Variants in AKAP13 observed in about 807,000 individuals in gnomAD.
The protein encoded by AKAP13 is A-kinase anchor protein 13.
In AKAP13, 80 loss-of-function variants were observed where a neutral mutation model predicts 264.5. The observed-to-expected ratio is 0.30, with a 90% CI of 0.25 to 0.36. AKAP13 has a LOEUF of 0.36. Ranked by LOEUF, AKAP13 falls within the 10% of genes least tolerant of loss-of-function variation. The probability of loss-of-function intolerance (pLI) is 1.00; values close to 1 mark genes in which losing one functional copy is unlikely to be tolerated. For synonymous variants in AKAP13, 1,380 were observed against 1,250.2 expected (o/e 1.10, Z -2.19); for missense variants, 3,712 against 3,435.2 (o/e 1.08, Z -2.01).
intron 1 of AKAP13, among the ~76,000 whole-genome samples, chr15:85,465,097 C>G (rs984028013): frequency 6.8e-6 from 1 of 148,140 alleles, no homozygotes; most frequent in Non-Finnish European, 1.5e-5. Flanking sequence ...CCCACCACCA[C>G]GCCTGGCTAA....
rs1265667022 is a variant in AKAP13, at chr15:85,664,766, A to C, written c.4992+11A>C. ...ATGTTTGATCAGCAGGTAAGTCTTA[A>C]ATATGTCTAATTTGGAAAAAATATA... On this transcript the variant is annotated intron_variant, in intron 13 of 36. Transcript: ENST00000394518. The C allele has an allele frequency of 1.2e-6, 2 of 1,600,820 alleles. No individual in the cohort carries two copies. Among genetic ancestry groups the C allele is most frequent in the Non-Finnish European group, 1.7e-6 (2 of 1,172,586 alleles).
chr15:85,671,183 GA>G (rs2083905424), intron 14 of AKAP13, among the ~76,000 whole-genome samples: 1 of 152,056 alleles, frequency 6.6e-6, no homozygotes, highest in Admixed American at 6.6e-5. Flanking sequence ...GTTGGTGACA[GA>G]AGCAGATGCC....
intron 5 of AKAP13, among the ~76,000 whole-genome samples, chr15:85,563,376 G>A (rs1479640395): frequency 8.2e-6 from 1 of 121,906 alleles, no homozygotes; most frequent in Non-Finnish European, 1.7e-5. Context: ...ATGAGAATTT[G>A]GGCTAGGCAG....
Position 85,667,389 on chromosome 15 carries a change from T to C in AKAP13, c.4993-2333T>C, listed in dbSNP as rs375603201. On this transcript the variant is annotated intron_variant, in intron 13 of 36. Transcript: ENST00000394518. Reference sequence around the variant, plus strand: ...GAAGGAGTTAGAAAAAATAAGAATATGAAGAATATGCTTGTTGAAGCAAGT... The same window carrying C: ...GAAGGAGTTAGAAAAAATAAGAATACGAAGAATATGCTTGTTGAAGCAAGT... 5.9e-5 allele frequency among the ~76,000 whole-genome samples: 9 copies of C among 152,280 alleles called. No individual in the cohort carries two copies. The East Asian group carries it at 1.3e-3, about 23-fold the overall frequency.
At chr15:85,535,471 T>C (rs1284751681) in intron 4 of AKAP13, 1 of 152,190 alleles carries the variant, frequency 6.6e-6, no homozygotes, top group Non-Finnish European at 1.5e-5. Flanking sequence ...AAGAAACTTC[T>C]GTCTTGCTAA....
At chr15:85,629,763 C>CGTTTTTTT (rs1567164100) in intron 8 of AKAP13, among the ~76,000 whole-genome samples, 5 of 76,150 alleles carry the variant, frequency 6.6e-5, no homozygotes, top group Non-Finnish European at 1.5e-4. Context: ...TCCTTTACAG[C>CGTTTTTTT]CTTTTTTTTT....
intron 13 of AKAP13, among the ~76,000 whole-genome samples, chr15:85,668,530 A>G (rs16942964): frequency 0.014 from 2,136 of 152,336 alleles, 62 homozygotes; most frequent in African/African-American, 0.049. Context: ...CTTTACGTTC[A>G]TGTAGAATCA....
chr15:85,699,991 G>A (rs561579458), intron 17 of AKAP13, among the ~76,000 whole-genome samples: 22 of 152,294 alleles, frequency 1.4e-4, no homozygotes, highest in Admixed American at 7.8e-4. Flanking sequence ...ATAATGAGTG[G>A]CTGTACCTTT....
chr15:85,728,855 T>A (rs533516283), intron 29 of AKAP13, among the ~76,000 whole-genome samples: 94 of 134,218 alleles, frequency 7.0e-4, no homozygotes, highest in African/African-American at 1.6e-3. Context: ...AAAAAAAAAA[T>A]TTTTTTTTTT....
intron 2 of AKAP13, among the ~76,000 whole-genome samples, chr15:85,507,274 C>CT (rs1156377673): frequency 6.6e-6 from 1 of 151,854 alleles, no homozygotes; most frequent in African/African-American, 2.4e-5. Context: ...TGGCAAGCTA[C>CT]AGCCTGTGAA....
chr15:85,676,103 G>C (rs560298130), intron 14 of AKAP13, among the ~76,000 whole-genome samples: 1 of 152,242 alleles, frequency 6.6e-6, no homozygotes, highest in South Asian at 2.1e-4. Flanking sequence ...AGTGGAGACG[G>C]GGTTTCACCG....
At chr15:85,614,130 G>A (rs530427100) in intron 8 of AKAP13, among the ~76,000 whole-genome samples, 72 of 152,250 alleles carry the variant, frequency 4.7e-4, no homozygotes, top group African/African-American at 1.7e-3. Flanking sequence ...CCATGTCAGA[G>A]GATTTTGTTT....
chr15:85,660,773 C>G (rs1317399166), intron 12 of AKAP13, among the ~76,000 whole-genome samples: 1 of 152,160 alleles, frequency 6.6e-6, no homozygotes, highest in African/African-American at 2.4e-5. Flanking sequence ...TTACTTTCTG[C>G]TTCTGCACTT....
chr15:85,514,638 A>G (rs2076546535), intron 2 of AKAP13, among the ~76,000 whole-genome samples: 1 of 137,878 alleles, frequency 7.3e-6, no homozygotes, highest in Non-Finnish European at 1.5e-5. Flanking sequence ...GAAATTGAAC[A>G]CTGGCTGCCA....
intron 8 of AKAP13, among the ~76,000 whole-genome samples, chr15:85,598,278 C>G (rs889141621): frequency 2.0e-5 from 3 of 152,148 alleles, no homozygotes; most frequent in African/African-American, 7.2e-5. Context: ...CTGGTCCATT[C>G]TGGAGAGGAT....
chr15:85,665,671 C>A (rs2083552777), intron 13 of AKAP13, among the ~76,000 whole-genome samples: 1 of 152,176 alleles, frequency 6.6e-6, no homozygotes, highest in South Asian at 2.1e-4. Context: ...AATGCTATCC[C>A]TCCCCCAGCC....
In AKAP13 at chr15:85,486,739, C is replaced by CTTTTTT. The variant is rs562767898; in HGVS notation, c.33+999_33+1004dup. Among the ~76,000 whole-genome samples the CTTTTTT allele has an allele frequency of 2.8e-4, 32 of 115,636 alleles. 2 individuals are homozygous for CTTTTTT. The highest frequency in any genetic ancestry group is 3.7e-4 in the African/African-American group (11 of 29,744). 75.9% of individuals were successfully genotyped at this position (115,636 alleles called of 152,430 possible). ...ATTTTGTTATCTTAATTGTTCAGTT[C>CTTTTTT]TTTTTTTTTTTTTTTTTTGGATGGA... is the stretch of plus-strand genomic sequence containing the variant. On this transcript the variant is annotated intron_variant, in intron 2 of 36. Coordinates refer to ENST00000394518, the MANE Select transcript of AKAP13 (RefSeq NM_007200.5).
At chr15:85,722,889 T>A (rs1157418141) in intron 25 of AKAP13, among the ~76,000 whole-genome samples, 183 bp from the exon 26 acceptor site, 2 of 152,182 alleles carry the variant, frequency 1.3e-5, no homozygotes, top group Non-Finnish European at 2.9e-5. Flanking sequence ...AACTTCTGAC[T>A]TTTTTTAGAA....
At chr15:85,665,732 A>G (rs1393380408) in intron 13 of AKAP13, among the ~76,000 whole-genome samples, 5 of 152,056 alleles carry the variant, frequency 3.3e-5, no homozygotes, top group Admixed American at 1.3e-4. Context: ...CCCGTGTCCA[A>G]GTGTTCTCAT....
Sources: allele counts gnomAD v4.1 joint callset (sites outside exome capture counted in the v4.1 genomes callset), GRCh38; gene constraint gnomAD v4.1.1; transcripts MANE v1.5; gene names NCBI Gene and HGNC (gene_info 2026-07-23, HGNC 2026-07-21).